HDAC9: variants seen among roughly 807,000 people sequenced by gnomAD.
The protein encoded by HDAC9 is MEF-2 interacting transcription repressor (MITR) protein.
HDAC9 carries 41 observed loss-of-function variants against 139.4 expected under a neutral mutation model. The observed-to-expected ratio is 0.29, with a 90% confidence interval of 0.23 to 0.38. HDAC9 has a LOEUF of 0.38. Ranked by LOEUF, HDAC9 falls within the 10% of genes least tolerant of loss-of-function variation. HDAC9 has a pLI of 1.00. For missense variants in HDAC9, 1,147 were observed against 1,297.0 expected (o/e 0.88, Z 1.78); for synonymous variants, 517 against 476.2 (o/e 1.09, Z -1.12).
intron 17 of HDAC9, among the ~76,000 whole-genome samples, chr7:18,798,579 A>G (rs1364948985): frequency 1.3e-5 from 2 of 152,170 alleles, no homozygotes; most frequent in Non-Finnish European, 2.9e-5. Context: ...AACTCCTTCA[A>G]AGCCTCAATC....
intron 1 of HDAC9, among the ~76,000 whole-genome samples, chr7:18,360,958 T>G (rs1783728064): frequency 6.6e-6 from 1 of 152,220 alleles, no homozygotes; most frequent in Non-Finnish European, 1.5e-5. Flanking sequence ...TACCCTTGTC[T>G]GGGATCAGTT....
At chr7:18,711,872 T>C (rs1039071389) in intron 12 of HDAC9, among the ~76,000 whole-genome samples, 1 of 152,150 alleles carries the variant, frequency 6.6e-6, no homozygotes, top group Admixed American at 6.6e-5. Flanking sequence ...GAACACACTT[T>C]GTTCGGGGCT....
At chr7:18,823,110 T>G (rs761804345) in intron 17 of HDAC9, among the ~76,000 whole-genome samples, 2 of 152,084 alleles carry the variant, frequency 1.3e-5, no homozygotes, top group Non-Finnish European at 2.9e-5. Flanking sequence ...CTTGAATAGG[T>G]GAGAGGGACT....
chr7:18,757,632 A>G (rs976006225), intron 14 of HDAC9, among the ~76,000 whole-genome samples: 1 of 152,160 alleles, frequency 6.6e-6, no homozygotes, highest in African/African-American at 2.4e-5. Context: ...TGATTAGGAC[A>G]CTGGCCTCAA....
chr7:18,988,318 G>A (rs542395224), intron 25 of HDAC9, among the ~76,000 whole-genome samples: 365 of 151,928 alleles, frequency 2.4e-3, no homozygotes, highest in Non-Finnish European at 4.2e-3. Flanking sequence ...ATTTCGTTAT[G>A]TACCCAGTAG....
intron 13 of HDAC9, 114 bp downstream of exon 13, chr7:18,727,871 C>A: frequency 1.3e-6 from 1 of 770,388 alleles, no homozygotes; most frequent in Non-Finnish European, 1.9e-6. Context: ...CATTTTAACC[C>A]AGTGCAACCC....
intron 2 of HDAC9, among the ~76,000 whole-genome samples, chr7:18,249,275 G>A (rs553072190): frequency 2.6e-4 from 39 of 151,892 alleles, no homozygotes; most frequent in African/African-American, 6.5e-4. Context: ...GGCTGAGGTG[G>A]GCAGATTGCT....
chr7:18,550,165 G>GATT (rs1345783097), intron 2 of HDAC9, among the ~76,000 whole-genome samples: 2 of 152,176 alleles, frequency 1.3e-5, no homozygotes, highest in Admixed American at 6.5e-5. Context: ...TTTTTTAACA[G>GATT]ATTAGAACCT....
chr7:18,646,890 C>T (rs190203283), intron 9 of HDAC9, among the ~76,000 whole-genome samples: 69 of 152,072 alleles, frequency 4.5e-4, no homozygotes, highest in Non-Finnish European at 8.2e-4. Context: ...GTTTATTATA[C>T]AAAATATCTA....
At chr7:18,570,297 A>G (rs2128740739) in intron 2 of HDAC9, among the ~76,000 whole-genome samples, 1 of 152,374 alleles carries the variant, frequency 6.6e-6, no homozygotes, top group East Asian at 1.9e-4. Flanking sequence ...TGTTCCTTAA[A>G]AAGAGTGCTG....
At chr7:18,686,603 T>C (rs532552724) in intron 12 of HDAC9, among the ~76,000 whole-genome samples, 1 of 152,064 alleles carries the variant, frequency 6.6e-6, no homozygotes, top group South Asian at 2.1e-4. Flanking sequence ...ATATATTCAT[T>C]CCCTTCACCT....
intron 1 of HDAC9, among the ~76,000 whole-genome samples, chr7:18,155,093 C>CTTTCTTTCTTTCTTTCTT (rs761803907): frequency 1.4e-5 from 2 of 141,694 alleles, no homozygotes; most frequent in African/African-American, 5.3e-5. Context: ...TTCTTTCTTT[C>CTTTCTTTCTTTCTTTCTT]TTTTTTTTTT....
At chr7:18,809,447 G>A (rs908502437) in intron 17 of HDAC9, among the ~76,000 whole-genome samples, 1 of 151,916 alleles carries the variant, frequency 6.6e-6, no homozygotes, top group Non-Finnish European at 1.5e-5. Flanking sequence ...TATGATAAGA[G>A]GTTAATGTCC....
chr7:18,181,710 C>A (rs1194814358), intron 2 of HDAC9, among the ~76,000 whole-genome samples: 1 of 151,986 alleles, frequency 6.6e-6, no homozygotes, highest in Non-Finnish European at 1.5e-5. Context: ...TCATACCTGT[C>A]CCCCTACCCC....
At chr7:18,955,842 C>T (rs1345118595) in intron 24 of HDAC9, among the ~76,000 whole-genome samples, 1 of 152,022 alleles carries the variant, frequency 6.6e-6, no homozygotes, top group African/African-American at 2.4e-5. Flanking sequence ...GGCTGAACAG[C>T]ATGTTGAATA....
At chr7:18,103,687 G>A (rs189154175) in intron 1 of HDAC9, among the ~76,000 whole-genome samples, 70 of 152,284 alleles carry the variant, frequency 4.6e-4, no homozygotes, top group Admixed American at 4.6e-3. Flanking sequence ...GCGACCTTAA[G>A]TGAAATGACG....
intron 17 of HDAC9, chr7:18,808,101 A>G (rs1356470016): frequency 6.6e-6 from 1 of 152,186 alleles, no homozygotes; most frequent in Non-Finnish European, 1.5e-5. Context: ...ACCCTTGATC[A>G]CAGAATGGTA....
intron 2 of HDAC9, among the ~76,000 whole-genome samples, chr7:18,264,496 C>A (rs1795881843): frequency 6.6e-6 from 1 of 152,142 alleles, no homozygotes; most frequent in South Asian, 2.1e-4. Flanking sequence ...AATTTTTAGT[C>A]ACATTATGGC....
At chr7:18,239,465 T>C (rs1794044695) in intron 2 of HDAC9, among the ~76,000 whole-genome samples, 1 of 152,166 alleles carries the variant, frequency 6.6e-6, no homozygotes, top group Non-Finnish European at 1.5e-5. Context: ...AGGTTTCGTT[T>C]TGATGTACAT....
Sources: allele counts gnomAD v4.1 joint callset (sites outside exome capture counted in the v4.1 genomes callset), GRCh38; gene constraint gnomAD v4.1.1; transcripts MANE v1.5; gene names NCBI Gene and HGNC (gene_info 2026-07-23, HGNC 2026-07-21).